The following DGCR2 variants were observed in gnomAD, a reference collection of about 807,000 sequenced individuals.
DGCR2 encodes the protein integral membrane protein DGCR2/IDD.
A neutral mutation model predicts 51.6 loss-of-function variants in DGCR2; 24 were observed. That is an observed-to-expected ratio of 0.47 (90% CI 0.34 to 0.65). The LOEUF (loss-of-function observed/expected upper bound fraction) is 0.65. Among genes scored for constraint, DGCR2 ranks in the 30% least tolerant of loss-of-function variants. The pLI, the probability that DGCR2 is intolerant of heterozygous loss-of-function variation, is 0.01. For synonymous variants in DGCR2, 340 were observed against 315.4 expected (o/e 1.08, Z -0.82); for missense variants, 765 against 772.1 (o/e 0.99, Z 0.11).
intron 1 of DGCR2, among the ~76,000 whole-genome samples, chr22:19,095,488 C>T (rs1229945072): frequency 1.3e-5 from 2 of 151,856 alleles, no homozygotes; most frequent in Non-Finnish European, 2.9e-5. Flanking sequence ...GGTGAAACCC[C>T]GTCTCTACTG....
In DGCR2 at chr22:19,037,975, G is replaced by A. The variant is rs2082389167; in HGVS notation, c.*890C>T. 6.5e-6 allele frequency: 1 copy of A among 153,038 alleles called. No homozygotes were observed. The highest frequency in any genetic ancestry group is 1.5e-5 in the Non-Finnish European group (1 of 68,398). The allele number at this position is 153,038 out of a possible 1,614,324, so 9.5% of individuals were successfully genotyped here. On this transcript the variant is annotated 3_prime_UTR_variant, in exon 10 of 10. Transcript: ENST00000263196. ...CCTTTATGGCACAAATGGGGCCGGG[G>A]GCAGGCCCAGGGGCAATTCAACAGG...
intron 1 of DGCR2, among the ~76,000 whole-genome samples, chr22:19,119,077 A>G (rs919854222): frequency 4.6e-5 from 7 of 152,148 alleles, no homozygotes; most frequent in African/African-American, 1.4e-4. Flanking sequence ...CCACATGGAA[A>G]AAGATTCTGC....
In DGCR2 at chr22:19,063,182, C is replaced by T. The variant is rs1341894959; in HGVS notation, c.625+20G>A. ...GACTCTGCCCAGCTTCAAACACTCC[C>T]ACACACCAGAAGGGCTCACCTTTGA... On this transcript the variant is annotated intron_variant, in intron 5 of 9. Coordinates refer to ENST00000263196, the MANE Select transcript of DGCR2 (RefSeq NM_005137.3). The T allele has an allele frequency of 6.2e-7, 1 of 1,613,046 alleles. No homozygotes were observed. Among genetic ancestry groups the T allele is most frequent in the South Asian group, 1.1e-5 (1 of 91,058 alleles).
intron 1 of DGCR2, among the ~76,000 whole-genome samples, chr22:19,117,137 G>T (rs888314705): frequency 1.3e-5 from 2 of 152,062 alleles, no homozygotes; most frequent in Non-Finnish European, 2.9e-5. Flanking sequence ...ATTACCTGCC[G>T]TCACTGCTAG....
Position 19,041,274 on chromosome 22 carries a change from G to A in DGCR2, c.1180C>T (p.Arg394Cys), listed in dbSNP as rs1030949883. The A allele has an allele frequency of 6.2e-6, 10 of 1,613,942 alleles. No homozygotes were observed. The highest frequency in any genetic ancestry group is 6.8e-6 in the Non-Finnish European group (8 of 1,180,008). ...GANLHHFNLG[R>C]RIPGFDYGPD... ...CCGTAATCAAAGCCAGGGATCCTGC[G>A]GCCGAGGTTGAAGTGGTGCACTGGG... The change falls in exon 9 of 10, where the codon CGC (arginine) becomes TGC (cysteine). Residue 394 changes from arginine to cysteine, a missense_variant. Transcript: ENST00000263196.
chr22:19,111,259 C>T (rs991149508), intron 1 of DGCR2, among the ~76,000 whole-genome samples: 1 of 152,206 alleles, frequency 6.6e-6, no homozygotes, highest in African/African-American at 2.4e-5. Context: ...AGAGACATCA[C>T]AGCATCAGTG....
At chr22:19,089,633 GC>G in intron 1 of DGCR2, 143 bp from the exon 2 acceptor site, 1 of 992,342 alleles carries the variant, frequency 1.0e-6, no homozygotes, top group South Asian at 2.7e-5. Context: ...AGGCTGGAGT[GC>G]CAGTGGTGCA....
rs1301070057 is a variant in DGCR2 at position 19,057,343 on chromosome 22, A to C, written c.626-181T>G. ...TCCCCAACCTCCTGGGAGTCACCCC[A>C]GGTGCTGGGCCTAGCGGGAGCCACT... On this transcript the variant is annotated intron_variant, in intron 5 of 9. Coordinates refer to ENST00000263196, the MANE Select transcript of DGCR2 (RefSeq NM_005137.3). This position sits in a 1 kb window ranked among gnomAD's most constrained non-coding sequence, Gnocchi z 5.1. Among the ~76,000 whole-genome samples the C allele has an allele frequency of 3.3e-5, 5 of 152,186 alleles. No homozygotes were observed. Among genetic ancestry groups the C allele is most frequent in the Non-Finnish European group, 7.3e-5 (5 of 68,032 alleles).
Position 19,057,309 on chromosome 22 carries a change from A to G in DGCR2, c.626-147T>C. On this transcript the variant is annotated intron_variant, in intron 5 of 9. Transcript: ENST00000263196. The surrounding 1 kb of genome is among the most constrained non-coding windows in gnomAD (Gnocchi z 5.1). Reference sequence around the variant, plus strand: ...TGGTGGTCACTGTGGCCAGGTGTTCACTCGGGACTCCCCAACCTCCTGGGA... The same window carrying G: ...TGGTGGTCACTGTGGCCAGGTGTTCGCTCGGGACTCCCCAACCTCCTGGGA... 5.4e-6 allele frequency: 5 copies of G among 925,104 alleles called. No individual in the cohort carries two copies. The highest frequency in any genetic ancestry group is 7.8e-6 in the Non-Finnish European group (5 of 639,404). 57.3% of individuals were successfully genotyped at this position (925,104 alleles called of 1,614,324 possible).
At chr22:19,068,706 C>G (rs2082779196) in intron 2 of DGCR2, among the ~76,000 whole-genome samples, 1 of 152,202 alleles carries the variant, frequency 6.6e-6, no homozygotes, top group South Asian at 2.1e-4. Context: ...GCCTATCTGT[C>G]CCCCTGCCTG....
chr22:19,067,564 G>A (rs1253548406), intron 3 of DGCR2, among the ~76,000 whole-genome samples: 6 of 152,070 alleles, frequency 3.9e-5, no homozygotes, highest in South Asian at 2.1e-4. Context: ...GTGATGGCAC[G>A]TGCCTGTAAT....
chr22:19,073,755 G>T (rs1036344940), intron 2 of DGCR2, among the ~76,000 whole-genome samples: 1 of 152,232 alleles, frequency 6.6e-6, no homozygotes, highest in African/African-American at 2.4e-5. Context: ...CTTCAGACAT[G>T]CAAACAAGGA....
chr22:19,041,737 G>C (rs915742224), intron 8 of DGCR2, 70 bp downstream of exon 8: 1 of 1,529,578 alleles, frequency 6.5e-7, no homozygotes, highest in African/African-American at 1.4e-5. Flanking sequence ...GGGCTGGGGA[G>C]CTCATGGAGA....
At chr22:19,065,575 C>A (rs2082739146) in intron 3 of DGCR2, among the ~76,000 whole-genome samples, 1 of 152,172 alleles carries the variant, frequency 6.6e-6, no homozygotes, top group African/African-American at 2.4e-5. Flanking sequence ...CACTGTGTGA[C>A]CCGCCCCTGC....
In DGCR2 at chr22:19,041,309, G is replaced by A; in HGVS notation, c.1160-15C>T. 1 of 1,611,722 alleles carries A rather than the reference G, an allele frequency of 6.2e-7. No individual in the cohort carries two copies. Among genetic ancestry groups the A allele is most frequent in the Non-Finnish European group, 8.5e-7 (1 of 1,178,512 alleles). On this transcript the variant is annotated splice_polypyrimidine_tract_variant and intron_variant, in intron 8 of 9. Transcript: ENST00000263196. Reference sequence around the variant, plus strand: ...GAAGTGGTGCACTGGGCCATCAAAAGTGTGCAACGGGAACAGAGACAAGTC... The same window carrying A: ...GAAGTGGTGCACTGGGCCATCAAAAATGTGCAACGGGAACAGAGACAAGTC...
intron 7 of DGCR2, among the ~76,000 whole-genome samples, chr22:19,043,284 C>A (rs182743003): frequency 1.3e-5 from 2 of 152,346 alleles, no homozygotes; most frequent in African/African-American, 4.8e-5. Context: ...TCCAGGACAG[C>A]CCCCAACACA....
chr22:19,072,982 T>G (rs2082832763), intron 2 of DGCR2, among the ~76,000 whole-genome samples: 1 of 152,022 alleles, frequency 6.6e-6, no homozygotes, highest in African/African-American at 2.4e-5. Context: ...GGAGGCCAGG[T>G]GCAGTGGCTC....
intron 1 of DGCR2, among the ~76,000 whole-genome samples, chr22:19,104,435 G>T (rs552235640): frequency 6.6e-6 from 1 of 152,280 alleles, no homozygotes; most frequent in African/African-American, 2.4e-5. Flanking sequence ...TTAGTATGCT[G>T]CATAAATTGT....
Position 19,068,181 on chromosome 22 carries a change from C to T in DGCR2, c.247G>A (p.Asp83Asn). The change falls in exon 3 of 10, where the codon GAT becomes AAT. Residue 83 changes from aspartate to asparagine, a missense_variant. By Grantham distance (23) the Asp-to-Asn change is conservative. Coordinates refer to ENST00000263196, the MANE Select transcript of DGCR2 (RefSeq NM_005137.3). ...CCTCTGGCCCGCCCCTGCCGCGGAT[C>T]CACAGCCTCCTTCCCATGATGAGGA... The part of the protein sequence containing the change: ...VRPHHGKEAV[D>N]PRQGRARGGD... 8 of 1,611,354 alleles carry T rather than the reference C, an allele frequency of 5.0e-6. No homozygotes were observed. The highest frequency in any genetic ancestry group is 6.8e-6 in the Non-Finnish European group (8 of 1,179,028).
Sources: gnomAD v4.1 joint callset for allele counts (sites outside exome capture counted in the v4.1 genomes callset) on GRCh38, gnomAD v4.1.1 for gene constraint, Gnocchi (gnomAD v3.1) non-coding constraint, MANE v1.5 for transcripts, NCBI Gene and HGNC (gene_info 2026-07-23, HGNC 2026-07-21) for gene names.